The following EPHA7 variants were observed in gnomAD, a reference collection of about 807,000 sequenced individuals.
The protein encoded by EPHA7 is EPH receptor A7, also known as ephrin type-A receptor 7.
In EPHA7, 25 loss-of-function variants were observed where a neutral mutation model predicts 112.6. That is an observed-to-expected ratio of 0.22 (90% CI 0.16 to 0.31). The LOEUF (loss-of-function observed/expected upper bound fraction) is 0.31. Ranked by LOEUF, EPHA7 falls within the 10% of genes least tolerant of loss-of-function variation. EPHA7 has a pLI of 1.00. For missense variants in EPHA7, 962 were observed against 1,212.6 expected (o/e 0.79, Z 3.07); for synonymous variants, 437 against 406.5 (o/e 1.07, Z -0.90).
At chr6:93,248,411 CTTAG>C (rs1021494067) in intron 14 of EPHA7, among the ~76,000 whole-genome samples, 5 of 151,874 alleles carry the variant, frequency 3.3e-5, no homozygotes, top group African/African-American at 4.8e-5. Flanking sequence ...AATAGATGGA[CTTAG>C]TTATAGTAAT....
intron 5 of EPHA7, among the ~76,000 whole-genome samples, chr6:93,331,754 A>T (rs1458295305): frequency 6.6e-6 from 1 of 151,586 alleles, no homozygotes; most frequent in Admixed American, 6.6e-5. Flanking sequence ...ACCATATTAT[A>T]CCTTGTTTAG....
At chr6:93,272,520 T>C (rs951786384) in intron 5 of EPHA7, 98 bp from the exon 6 acceptor site, 2 of 1,478,784 alleles carry the variant, frequency 1.4e-6, no homozygotes, top group African/African-American at 1.4e-5. Context: ...GCCAGTTTCA[T>C]TAAGGTAAAA....
chr6:93,272,508 G>A, intron 5 of EPHA7, 86 bp from the exon 6 acceptor site: 2 of 1,513,458 alleles, frequency 1.3e-6, no homozygotes, highest in African/African-American at 1.4e-5. Context: ...GTCCCATGCT[G>A]TGCCAGTTTC....
In EPHA7 at chr6:93,396,600, A is replaced by G. The variant is rs146075526; in HGVS notation, c.832+13901T>C. 3.0e-3 allele frequency among the ~76,000 whole-genome samples: 458 copies of G among 151,970 alleles called. 3 individuals are homozygous for G. Among genetic ancestry groups the G allele is most frequent in the African/African-American group, 0.011 (437 of 41,546 alleles). On this transcript the variant is annotated intron_variant, in intron 3 of 16. Coordinates refer to ENST00000369303, the MANE Select transcript of EPHA7 (RefSeq NM_004440.4). ...CCCAAATTCCACTTTTCAAAAACGC[A>G]TATGCTAAAATGATAAAATGTTTTT... is the stretch of plus-strand genomic sequence containing the variant.
chr6:93,393,333 T>G (rs985343550), intron 3 of EPHA7, among the ~76,000 whole-genome samples: 1 of 152,020 alleles, frequency 6.6e-6, no homozygotes, highest in East Asian at 1.9e-4. Flanking sequence ...CAGTATCATA[T>G]GTAAATACAG....
At chr6:93,367,208 GA>G (rs1776558277) in intron 3 of EPHA7, among the ~76,000 whole-genome samples, 1 of 152,096 alleles carries the variant, frequency 6.6e-6, no homozygotes, top group African/African-American at 2.4e-5. Context: ...TTATGAACAA[GA>G]GGCAACAATT....
chr6:93,342,475 A>G (rs551081986), intron 5 of EPHA7, among the ~76,000 whole-genome samples: 1 of 151,952 alleles, frequency 6.6e-6, no homozygotes, highest in African/African-American at 2.4e-5. Context: ...AAAAATGACA[A>G]GTGATGAATT....
chr6:93,243,529 C>T lies in EPHA7; in HGVS notation c.2894G>A (p.Ser965Asn). 6.2e-7 allele frequency: 1 copy of T among 1,612,276 alleles called. No homozygotes were observed. The highest frequency in any genetic ancestry group is 1.3e-5 in the African/African-American group (1 of 74,984). The change falls in exon 17 of 17, where the codon AGT (serine) becomes AAT (asparagine). Residue 965 changes from serine to asparagine, a missense_variant. By Grantham distance (46) the Ser-to-Asn change is conservative (BLOSUM62 1). Coordinates refer to ENST00000369303, the MANE Select transcript of EPHA7 (RefSeq NM_004440.4). ...ATGACCAACCAGTGTGATCCCTAAA[C>T]TCATCACATCCCTGAAAAAGACAAA... ...VARMTIEDVM[S>N]LGITLVGHQK...
intron 5 of EPHA7, among the ~76,000 whole-genome samples, chr6:93,338,387 A>C (rs1319875355): frequency 6.6e-6 from 1 of 152,174 alleles, no homozygotes; most frequent in Middle Eastern, 3.4e-3. Flanking sequence ...TAAATAAGAG[A>C]GTGACTTTCA....
chr6:93,361,587 C>A lies in EPHA7; in HGVS notation c.833-3176G>T, dbSNP rs544352568. On this transcript the variant is annotated intron_variant, in intron 3 of 16. Transcript: ENST00000369303. ...AGTTAGACGAGCTCACCAACTACTC[C>A]CAGAAAAGCTACTTGGAAATCCAGG... Among the ~76,000 whole-genome samples, 107 of 152,102 alleles carry A rather than the reference C, an allele frequency of 7.0e-4. 1 individual carries two copies. The highest frequency in any genetic ancestry group is 1.4e-3 in the Non-Finnish European group (94 of 67,910).
chr6:93,307,002 T>A (rs894331431), intron 5 of EPHA7, among the ~76,000 whole-genome samples: 1 of 151,956 alleles, frequency 6.6e-6, no homozygotes, highest in African/African-American at 2.4e-5. Context: ...CATATCTCCA[T>A]TAAATCATAA....
chr6:93,366,240 G>T (rs1349681220), intron 3 of EPHA7, among the ~76,000 whole-genome samples: 3 of 152,152 alleles, frequency 2.0e-5, no homozygotes, highest in Admixed American at 2.0e-4. Flanking sequence ...ATATGATACA[G>T]TGAAAGAGAT....
chr6:93,271,717 T>C (rs1236530346), intron 6 of EPHA7, among the ~76,000 whole-genome samples: 1 of 151,934 alleles, frequency 6.6e-6, no homozygotes, highest in East Asian at 1.9e-4. Context: ...CATAATATTT[T>C]TCCTGGAAGG....
At position 93,243,226 on chromosome 6, in the gene EPHA7, G is replaced by A. The variant is rs954886639; in HGVS notation, c.*200C>T. On this transcript the variant is annotated 3_prime_UTR_variant, in exon 17 of 17. Transcript: ENST00000369303. ...TGTCACTGCTATTTTCCTGGCCACCGATGGTGGATCCTAAATTCCCTTTTT... is the reference window on the plus strand; with the variant it reads ...TGTCACTGCTATTTTCCTGGCCACCAATGGTGGATCCTAAATTCCCTTTTT... 19 of 421,898 alleles carry A rather than the reference G, an allele frequency of 4.5e-5. No homozygotes were observed. Among genetic ancestry groups the A allele is most frequent in the Non-Finnish European group, 5.9e-5 (14 of 237,572 alleles). The allele number at this position is 421,898 out of a possible 1,614,324, so 26.1% of individuals were successfully genotyped here.
At chr6:93,262,087 A>C (rs898577401) in intron 9 of EPHA7, among the ~76,000 whole-genome samples, 1 of 151,542 alleles carries the variant, frequency 6.6e-6, no homozygotes, top group African/African-American at 2.4e-5. Flanking sequence ...TATGGGCAGG[A>C]CCAGGGATTT....
rs558639940 is a variant in EPHA7 at position 93,297,742 on chromosome 6, C to A, written c.1325-25320G>T. On this transcript the variant is annotated intron_variant, in intron 5 of 16. Transcript: ENST00000369303. ...GGCAGCTATTTACTAAAAACAGGAA[C>A]TCAGTAATTGAGGTCCATATACACT... Among the ~76,000 whole-genome samples the A allele has an allele frequency of 2.0e-5, 3 of 152,218 alleles. No homozygotes were observed. The East Asian group carries it at 5.8e-4, about 29-fold the overall frequency.
At chr6:93,401,001 G>A (rs547935560) in intron 3 of EPHA7, among the ~76,000 whole-genome samples, 25 of 152,020 alleles carry the variant, frequency 1.6e-4, no homozygotes, top group Non-Finnish European at 3.4e-4. Context: ...CCAGATCTAG[G>A]TTTTCTCTGT....
At chr6:93,276,134 A>C (rs1771458950) in intron 5 of EPHA7, among the ~76,000 whole-genome samples, 2 of 152,056 alleles carry the variant, frequency 1.3e-5, no homozygotes, top group East Asian at 3.9e-4. Flanking sequence ...TGGCCAAAAG[A>C]GTACTGTAAA....
At chr6:93,329,550 G>C (rs1368834876) in intron 5 of EPHA7, among the ~76,000 whole-genome samples, 1 of 151,046 alleles carries the variant, frequency 6.6e-6, no homozygotes, top group Admixed American at 6.6e-5. Flanking sequence ...TGACATCTTT[G>C]ATTTTTCAAA....
Sources: gnomAD v4.1 joint callset for allele counts (sites outside exome capture counted in the v4.1 genomes callset) on GRCh38, gnomAD v4.1.1 for gene constraint, MANE v1.5 for transcripts, NCBI Gene and HGNC (gene_info 2026-07-23, HGNC 2026-07-21) for gene names.